GCAT: variants seen among roughly 807,000 people sequenced by gnomAD.
The protein encoded by GCAT is 2-amino-3-ketobutyrate coenzyme A ligase, mitochondrial.
GCAT carries 26 observed loss-of-function variants against 39.7 expected under a neutral mutation model. The ratio of observed to expected loss-of-function variants is 0.65; its 90% CI spans 0.48 to 0.91. GCAT has a LOEUF of 0.91. Among genes scored for constraint, GCAT ranks in the 40% least tolerant of loss-of-function variants. The probability of loss-of-function intolerance (pLI) is 0.00; values close to 1 mark genes in which losing one functional copy is unlikely to be tolerated. For missense variants in GCAT, 550 were observed against 576.2 expected (o/e 0.95, Z 0.47); for synonymous variants, 218 against 237.2 (o/e 0.92, Z 0.74).
intron 4 of GCAT, among the ~76,000 whole-genome samples, chr22:37,814,057 G>A (rs1921899750): frequency 6.6e-6 from 1 of 152,082 alleles, no homozygotes; most frequent in Non-Finnish European, 1.5e-5. Flanking sequence ...GTGAGCCACT[G>A]TGCCTGGCAC....
At chr22:37,812,009 C>T (rs1385964291) in intron 2 of GCAT, among the ~76,000 whole-genome samples, 2 of 151,994 alleles carry the variant, frequency 1.3e-5, no homozygotes, top group African/African-American at 4.8e-5. Context: ...AGGCACACAG[C>T]CTGTTGTGGG....
At chr22:37,813,374 A>C (rs1287412866) in intron 3 of GCAT, 89 bp from the exon 4 acceptor site, 2 of 1,374,570 alleles carry the variant, frequency 1.5e-6, no homozygotes, top group Non-Finnish European at 2.0e-6. Flanking sequence ...CCTGGCTGGC[A>C]GTACAGTTTT....
chr22:37,810,015 C>T lies in GCAT; in HGVS notation c.197-12C>T. The T allele has an allele frequency of 6.2e-7, 1 of 1,613,814 alleles. No homozygotes were observed. The highest frequency in any genetic ancestry group is 8.5e-7 in the Non-Finnish European group (1 of 1,179,740). On this transcript the variant is annotated splice_polypyrimidine_tract_variant and intron_variant, in intron 1 of 8. Coordinates refer to ENST00000248924, the MANE Select transcript of GCAT (RefSeq NM_014291.4). ...CTGAGCTGCTGTATCCATCTCCTCT[C>T]CTTCACCTCAGGAATCCTTAACTTC...
intron 2 of GCAT, among the ~76,000 whole-genome samples, chr22:37,812,621 G>A (rs888979598): frequency 1.3e-5 from 2 of 152,138 alleles, no homozygotes; most frequent in Admixed American, 1.3e-4. Context: ...TCTTCTCCAC[G>A]AGTGCCCGTA....
intron 2 of GCAT, among the ~76,000 whole-genome samples, chr22:37,811,482 A>C (rs1328915029): frequency 2.2e-5 from 2 of 89,816 alleles, no homozygotes; most frequent in African/African-American, 6.4e-5. Flanking sequence ...CTCTGTCTCA[A>C]AAAAAAAAAA....
At chr22:37,810,809 T>C (rs1921504413) in intron 2 of GCAT, among the ~76,000 whole-genome samples, 1 of 151,926 alleles carries the variant, frequency 6.6e-6, no homozygotes, top group Non-Finnish European at 1.5e-5. Flanking sequence ...GCCACCGCAC[T>C]CGGCCTAATT....
rs1921400209 is a variant in GCAT, at chr22:37,810,022, C to T, written c.197-5C>T. On this transcript the variant is annotated splice_region_variant and splice_polypyrimidine_tract_variant and intron_variant, in intron 1 of 8. Coordinates refer to ENST00000248924, the MANE Select transcript of GCAT (RefSeq NM_014291.4). ...GCTGTATCCATCTCCTCTCCTTCACCTCAGGAATCCTTAACTTCTGTGCCA... is the reference window on the plus strand; with the variant it reads ...GCTGTATCCATCTCCTCTCCTTCACTTCAGGAATCCTTAACTTCTGTGCCA... The T allele has an allele frequency of 6.2e-7, 1 of 1,613,908 alleles. No homozygotes were observed. Among genetic ancestry groups the T allele is most frequent in the Non-Finnish European group, 8.5e-7 (1 of 1,179,794 alleles).
intron 2 of GCAT, among the ~76,000 whole-genome samples, chr22:37,812,166 A>T (rs1265259225): frequency 3.8e-5 from 1 of 26,220 alleles, no homozygotes; most frequent in Non-Finnish European, 7.8e-5. Context: ...CCCTCTCTCT[A>T]AAAAAAAAAA....
intron 2 of GCAT, among the ~76,000 whole-genome samples, chr22:37,811,695 G>T (rs1601696225): frequency 6.6e-6 from 1 of 151,316 alleles, no homozygotes; most frequent in African/African-American, 2.4e-5. Flanking sequence ...CACTTTGGGA[G>T]GCCGAGGTGG....
In GCAT at chr22:37,808,114, C is replaced by A; in HGVS notation, c.147C>A (p.Val49=). The change falls in exon 1 of 9, where the codon GTC becomes GTA. Residue 49 remains valine (V), a synonymous_variant. Coordinates refer to ENST00000248924, the MANE Select transcript of GCAT (RefSeq NM_014291.4). ...RGAGTWKSER[V]ITSRQGPHIR... Reference sequence around the variant, plus strand: ...CTGGCACTTGGAAGAGTGAGCGGGTCATCACGTCCCGTCAGGGGCCGCACA... The same window carrying A: ...CTGGCACTTGGAAGAGTGAGCGGGTAATCACGTCCCGTCAGGGGCCGCACA... 1 of 1,558,884 alleles carries A rather than the reference C, an allele frequency of 6.4e-7. No individual in the cohort carries two copies. Among genetic ancestry groups the A allele is most frequent in the Non-Finnish European group, 8.7e-7 (1 of 1,155,568 alleles).
At chr22:37,809,311 G>A (rs1199532072) in intron 1 of GCAT, among the ~76,000 whole-genome samples, 2 of 152,230 alleles carry the variant, frequency 1.3e-5, no homozygotes, top group South Asian at 2.1e-4. Context: ...TTTAGAATTC[G>A]GGGACTGGTA....
chr22:37,809,861 A>T (rs1921374252), intron 1 of GCAT, 166 bp from the exon 2 acceptor site: 4 of 822,758 alleles, frequency 4.9e-6, no homozygotes, highest in Non-Finnish European at 8.1e-6. Context: ...CAAGATGTGT[A>T]GCACTGACGC....
Position 37,816,762 on chromosome 22 carries a change from C to T in GCAT, c.*44C>T. On this transcript the variant is annotated 3_prime_UTR_variant, in exon 9 of 9. Coordinates refer to ENST00000248924, the MANE Select transcript of GCAT (RefSeq NM_014291.4). ...AAGAGCCAAGGTCCGCCTACTGCCA[C>T]AGGGTCAAAGGAGGTTTTCGATCAG... is the stretch of plus-strand genomic sequence containing the variant. 1 of 1,605,078 alleles carries T rather than the reference C, an allele frequency of 6.2e-7. No individual in the cohort carries two copies. The highest frequency in any genetic ancestry group is 8.5e-7 in the Non-Finnish European group (1 of 1,173,220).
intron 2 of GCAT, among the ~76,000 whole-genome samples, chr22:37,810,832 G>A (rs35692733): frequency 0.27 from 40,753 of 151,906 alleles, 5,967 homozygotes; most frequent in South Asian, 0.37. Flanking sequence ...TATATGTTTA[G>A]TAGAGATGGG....
Position 37,815,387 on chromosome 22 carries a change from C to A in GCAT, c.732-31C>A, listed in dbSNP as rs762729298. On this transcript the variant is annotated intron_variant, in intron 5 of 8. Coordinates refer to ENST00000248924, the MANE Select transcript of GCAT (RefSeq NM_014291.4). ...CCATAATCCCTGGGCTCTCAGGAGGCCAGTGACAGCAGCGGTGGCTTCCCT... is the reference window on the plus strand; with the variant it reads ...CCATAATCCCTGGGCTCTCAGGAGGACAGTGACAGCAGCGGTGGCTTCCCT... 3 of 1,601,116 alleles carry A rather than the reference C, an allele frequency of 1.9e-6. No homozygotes were observed. The East Asian group carries it at 6.7e-5, about 36-fold the overall frequency.
chr22:37,815,540 T>G (rs1236266812), intron 6 of GCAT, 40 bp downstream of exon 6: 1 of 1,558,228 alleles, frequency 6.4e-7, no homozygotes, highest in African/African-American at 1.4e-5. Context: ...CCTTGTCCTT[T>G]TGAAGGGCCC....
At chr22:37,813,294 G>A in intron 3 of GCAT, 169 bp from the exon 4 acceptor site, 1 of 758,394 alleles carries the variant, frequency 1.3e-6, no homozygotes, top group Non-Finnish European at 2.4e-6. Context: ...CGCTGGTCCA[G>A]CCCGGCACTG....
Position 37,816,629 on chromosome 22 carries a change from C to CAGAT in GCAT, c.1172_1175dup (p.Ser393AspfsTer6), listed in dbSNP as rs777329541. The CAGAT allele has an allele frequency of 5.6e-6, 9 of 1,614,058 alleles. No homozygotes were observed. In the African/African-American group the frequency reaches 1.1e-4, roughly 19 times the overall value. On this transcript the variant is annotated frameshift_variant, in exon 9 of 9. Coordinates refer to ENST00000248924, the MANE Select transcript of GCAT (RefSeq NM_014291.4). LOFTEE classifies it high-confidence loss of function. ...CAAGGGCAAGGCCCGGATCCGGGTA[C>CAGAT]AGATCTCAGCAGTGCATAGCGAGGA... is the stretch of plus-strand genomic sequence containing the variant.
Position 37,812,854 on chromosome 22 carries a change from G to A in GCAT, c.328-33G>A, listed in dbSNP as rs1454411354. ...CGAACTTGTCCCACATGACCCCACA[G>A]GCATCAACACGTGTCTCACTCATTT... On this transcript the variant is annotated intron_variant, in intron 2 of 8. Coordinates refer to ENST00000248924, the MANE Select transcript of GCAT (RefSeq NM_014291.4). 3.5e-6 allele frequency: 5 copies of A among 1,421,412 alleles called. 1 individual carries two copies. The highest frequency in any genetic ancestry group is 5.0e-6 in the Non-Finnish European group (5 of 1,006,688). 88.0% of individuals were successfully genotyped at this position (1,421,412 alleles called of 1,614,324 possible).
Sources: gnomAD v4.1 joint callset for allele counts (sites outside exome capture counted in the v4.1 genomes callset) on GRCh38, gnomAD v4.1.1 for gene constraint, MANE v1.5 for transcripts, NCBI Gene and HGNC (gene_info 2026-07-23, HGNC 2026-07-21) for gene names.